Variants in GABRA3 observed in about 807,000 individuals in gnomAD.
GABRA3 encodes the protein gamma-aminobutyric acid receptor subunit alpha-3.
In GABRA3, 10 loss-of-function variants were observed where a neutral mutation model predicts 30.1. The ratio of observed to expected loss-of-function variants is 0.33; its 90% CI spans 0.20 to 0.56. GABRA3 has a LOEUF of 0.56. Ranked by LOEUF, GABRA3 falls within the 20% of genes least tolerant of loss-of-function variation. GABRA3 has a pLI of 0.89. For missense variants in GABRA3, 233 were observed against 392.0 expected (o/e 0.59, Z 3.42); for synonymous variants, 151 against 146.8 (o/e 1.03, Z -0.21).
chrX:152,304,191 T>C (rs747651619), intron 3 of GABRA3, among the ~76,000 whole-genome samples: 162 of 112,023 alleles, frequency 1.4e-3, no homozygotes, highest in African/African-American at 5.1e-3. Flanking sequence ...TTATAGCATA[T>C]GGATATTAAA....
intron 1 of GABRA3, among the ~76,000 whole-genome samples, chrX:152,401,413 T>C (rs1449969977): frequency 1.8e-5 from 2 of 110,396 alleles, no homozygotes. Flanking sequence ...TGTGCTCTTA[T>C]GATGTATTTT....
intron 1 of GABRA3, among the ~76,000 whole-genome samples, chrX:152,378,511 CTA>C (rs1444844743): frequency 9.1e-6 from 1 of 110,474 alleles, no homozygotes; most frequent in Non-Finnish European, 1.9e-5. Flanking sequence ...TGTATGTCTT[CTA>C]TATTAGAAGA....
chrX:152,207,420 G>A (rs769085961), intron 7 of GABRA3, among the ~76,000 whole-genome samples: 4 of 111,624 alleles, frequency 3.6e-5, no homozygotes, highest in Non-Finnish European at 7.5e-5. Flanking sequence ...ACAGACTTAA[G>A]GCCACAGAAC....
At chrX:152,178,134 A>C (rs1937097468) in intron 9 of GABRA3, among the ~76,000 whole-genome samples, 1 of 111,742 alleles carries the variant, frequency 8.9e-6, no homozygotes, top group African/African-American at 3.3e-5. Flanking sequence ...ATGTGTGTAT[A>C]TATATATGGA....
At chrX:152,416,902 G>C (rs1930239828) in intron 1 of GABRA3, among the ~76,000 whole-genome samples, 2 of 105,516 alleles carry the variant, frequency 1.9e-5, no homozygotes, top group South Asian at 4.4e-4. Context: ...TTAAACGTTA[G>C]ACCTAAAACC....
Position 152,450,234 on chromosome X carries a change from T to G in GABRA3, c.-27+912A>C, listed in dbSNP as rs1372649208. Among the ~76,000 whole-genome samples, 5 of 109,025 alleles carry G rather than the reference T, an allele frequency of 4.6e-5. No homozygotes were observed. In the South Asian group the frequency reaches 1.6e-3, roughly 36 times the overall value. The allele number at this position is 109,025 out of a possible 115,157, so 94.7% of individuals were successfully genotyped here. On this transcript the variant is annotated intron_variant, in intron 1 of 9. Transcript: ENST00000370314. Reference sequence around the variant, plus strand: ...TTTCCATAAATCCAACAGCCACCCTTCCCCCAGTCCTCTTGCCCATGCCAC... The same window carrying G: ...TTTCCATAAATCCAACAGCCACCCTGCCCCCAGTCCTCTTGCCCATGCCAC...
intron 8 of GABRA3, among the ~76,000 whole-genome samples, chrX:152,191,430 C>T (rs867637197): frequency 2.7e-4 from 30 of 109,311 alleles, no homozygotes; most frequent in African/African-American, 9.7e-4. Flanking sequence ...GTCTCTGTCC[C>T]CCAGGATTTT....
chrX:152,335,986 G>T (rs1239163061), intron 3 of GABRA3, among the ~76,000 whole-genome samples: 2 of 111,602 alleles, frequency 1.8e-5, no homozygotes, highest in Admixed American at 1.9e-4. Context: ...CTCCCAAAGT[G>T]TTGGGATTAC....
At chrX:152,236,106 C>A (rs1400771905) in intron 5 of GABRA3, among the ~76,000 whole-genome samples, 1 of 91,900 alleles carries the variant, frequency 1.1e-5, no homozygotes, top group African/African-American at 4.0e-5. Context: ...AACTCGTCAT[C>A]TAGCATTAGG....
chrX:152,299,993 G>C (rs892189834), intron 3 of GABRA3, among the ~76,000 whole-genome samples: 4 of 112,128 alleles, frequency 3.6e-5, no homozygotes, highest in Non-Finnish European at 7.5e-5. Context: ...GAGTGTGGGG[G>C]AATACCAGAG....
chrX:152,339,937 T>A (rs1219396851), intron 3 of GABRA3, among the ~76,000 whole-genome samples: 1 of 112,028 alleles, frequency 8.9e-6, no homozygotes, highest in African/African-American at 3.2e-5. Context: ...AGTGCATTTC[T>A]CTCAGGGAGA....
chrX:152,257,591 T>G (rs930393376), intron 4 of GABRA3, among the ~76,000 whole-genome samples: 1 of 112,526 alleles, frequency 8.9e-6, no homozygotes, highest in African/African-American at 3.2e-5. Context: ...ACCAAAAACA[T>G]TCCTGCCTAC....
At chrX:152,439,877 C>T (rs1173790268) in intron 1 of GABRA3, among the ~76,000 whole-genome samples, 1 of 111,811 alleles carries the variant, frequency 8.9e-6, no homozygotes, top group African/African-American at 3.2e-5. Flanking sequence ...AAAGAAACAA[C>T]ACTTTGAGGA....
chrX:152,413,762 T>A (rs1482724784), intron 1 of GABRA3, among the ~76,000 whole-genome samples: 1 of 110,147 alleles, frequency 9.1e-6, no homozygotes, highest in African/African-American at 3.3e-5. Flanking sequence ...CACTTTTATT[T>A]AACACAATAT....
intron 7 of GABRA3, among the ~76,000 whole-genome samples, chrX:152,206,720 C>T (rs967939656): frequency 9.0e-6 from 1 of 111,608 alleles, no homozygotes; most frequent in Non-Finnish European, 1.9e-5. Flanking sequence ...CACCGGCTAC[C>T]TCTACTGCTT....
intron 8 of GABRA3, among the ~76,000 whole-genome samples, chrX:152,193,889 C>T (rs1247747342): frequency 1.8e-5 from 2 of 110,218 alleles, no homozygotes; most frequent in Non-Finnish European, 3.8e-5. Context: ...CCCAGCTACT[C>T]GGGAGGCTGA....
intron 2 of GABRA3, among the ~76,000 whole-genome samples, chrX:152,360,867 G>A (rs1928481682): frequency 9.4e-6 from 1 of 106,767 alleles, no homozygotes; most frequent in Admixed American, 1.0e-4. Context: ...GAGGTCAGGA[G>A]TTTGAGATCA....
chrX:152,186,175 T>C (rs1937250443), intron 9 of GABRA3, among the ~76,000 whole-genome samples: 1 of 111,140 alleles, frequency 9.0e-6, no homozygotes, highest in Non-Finnish European at 1.9e-5. Flanking sequence ...CAGTTTGGTG[T>C]CTGTCAGTCC....
At chrX:152,426,087 A>C (rs907252942) in intron 1 of GABRA3, among the ~76,000 whole-genome samples, 3 of 111,557 alleles carry the variant, frequency 2.7e-5, no homozygotes, top group Non-Finnish European at 5.6e-5. Flanking sequence ...ATGAGGAGCT[A>C]GTATTATTTA....
Sources: gnomAD v4.1 joint callset for allele counts (sites outside exome capture counted in the v4.1 genomes callset) on GRCh38, gnomAD v4.1.1 for gene constraint, MANE v1.5 for transcripts, NCBI Gene and HGNC (gene_info 2026-07-23, HGNC 2026-07-21) for gene names.